ERBB4: variants seen among roughly 807,000 people sequenced by gnomAD.
ERBB4 encodes the protein receptor tyrosine-protein kinase erbB-4.
Under a neutral mutation model 158.0 loss-of-function variants are expected in ERBB4, and 42 were observed. That is an observed-to-expected ratio of 0.27 (90% CI 0.21 to 0.34). The LOEUF (loss-of-function observed/expected upper bound fraction) is 0.34, where lower values mean the gene tolerates loss of function less well. Among genes scored for constraint, ERBB4 ranks in the 10% least tolerant of loss-of-function variants. ERBB4 has a pLI of 1.00. For missense variants in ERBB4, 1,333 were observed against 1,624.1 expected (o/e 0.82, Z 3.08); for synonymous variants, 583 against 558.7 (o/e 1.04, Z -0.61).
At chr2:211,554,067 C>T (rs2067173667) in intron 20 of ERBB4, among the ~76,000 whole-genome samples, 1 of 152,182 alleles carries the variant, frequency 6.6e-6, no homozygotes, top group Admixed American at 6.5e-5. Flanking sequence ...TGAGACACAA[C>T]TACAGATAAA....
At chr2:212,374,220 A>T (rs554235286) in intron 1 of ERBB4, among the ~76,000 whole-genome samples, 78 of 151,250 alleles carry the variant, frequency 5.2e-4, no homozygotes, top group Non-Finnish European at 9.4e-4. Context: ...TTAAAATACC[A>T]ATAATAATGC....
chr2:211,802,471 A>C (rs1198351441), intron 3 of ERBB4, among the ~76,000 whole-genome samples: 1 of 152,226 alleles, frequency 6.6e-6, no homozygotes, highest in African/African-American at 2.4e-5. Flanking sequence ...TTTGAAGTTC[A>C]GAACAATTAG....
Position 212,416,266 on chromosome 2 carries a change from A to C in ERBB4, c.82+122183T>G, listed in dbSNP as rs548863482. Among the ~76,000 whole-genome samples the C allele has an allele frequency of 2.0e-5, 3 of 152,274 alleles. No individual in the cohort carries two copies. The South Asian group carries it at 6.2e-4, about 32-fold the overall frequency. Reference sequence around the variant, plus strand: ...ACAAGCTGTTGAAAACATGGCAGCAAGGGCAAAAAGTAGAGGAATTAAGAT... The same window carrying C: ...ACAAGCTGTTGAAAACATGGCAGCACGGGCAAAAAGTAGAGGAATTAAGAT... On this transcript the variant is annotated intron_variant, in intron 1 of 27. Transcript: ENST00000342788.
At chr2:211,853,308 T>C (rs2077764611) in intron 3 of ERBB4, among the ~76,000 whole-genome samples, 1 of 152,060 alleles carries the variant, frequency 6.6e-6, no homozygotes, top group Admixed American at 6.6e-5. Flanking sequence ...CAGTCTATGT[T>C]GCCTTTCTTT....
At chr2:211,858,163 A>G (rs1429847288) in intron 3 of ERBB4, among the ~76,000 whole-genome samples, 10 of 152,152 alleles carry the variant, frequency 6.6e-5, no homozygotes, top group African/African-American at 2.4e-4. Context: ...AGAGGTGAAG[A>G]AAGAGATGGA....
rs753093003 is a variant in ERBB4 at position 211,702,174 on chromosome 2, G to A, written c.1290-8C>T. 2.3e-5 allele frequency: 37 copies of A among 1,612,238 alleles called. No homozygotes were observed. The highest frequency in any genetic ancestry group is 3.1e-5 in the Non-Finnish European group (37 of 1,178,388). On this transcript the variant is annotated splice_polypyrimidine_tract_variant and splice_region_variant and intron_variant, in intron 11 of 27. Transcript: ENST00000342788. ...ATAAGCAAGGACAGGCCACTAAGGA[G>A]GGGGAAGTGAGAAAACGGAACCATG...
chr2:211,765,701 G>C (rs935382221), intron 4 of ERBB4, among the ~76,000 whole-genome samples: 3 of 151,910 alleles, frequency 2.0e-5, no homozygotes, highest in African/African-American at 7.3e-5. Context: ...AAAAATAGTT[G>C]GTATTTAAAA....
chr2:212,375,524 G>A (rs192829396), intron 1 of ERBB4, among the ~76,000 whole-genome samples: 49 of 152,200 alleles, frequency 3.2e-4, no homozygotes, highest in Middle Eastern at 6.8e-3. Flanking sequence ...GCAAGTTGCT[G>A]GGCAACTACA....
At chr2:212,254,764 C>T (rs980471076) in intron 1 of ERBB4, among the ~76,000 whole-genome samples, 5 of 152,062 alleles carry the variant, frequency 3.3e-5, no homozygotes, top group African/African-American at 1.2e-4. Flanking sequence ...AGTGTTTATG[C>T]ATTAAAAGAG....
At chr2:212,133,595 T>G (rs1485984621) in intron 1 of ERBB4, among the ~76,000 whole-genome samples, 5 of 151,028 alleles carry the variant, frequency 3.3e-5, no homozygotes, top group Non-Finnish European at 5.9e-5. Flanking sequence ...AGCTGTTCAG[T>G]AAACATTTGT....
intron 3 of ERBB4, among the ~76,000 whole-genome samples, chr2:211,825,391 G>A (rs1473302499): frequency 6.6e-6 from 1 of 151,630 alleles, no homozygotes; most frequent in Non-Finnish European, 1.5e-5. Flanking sequence ...AGCAAAAGAT[G>A]GCATTGTATA....
intron 2 of ERBB4, among the ~76,000 whole-genome samples, chr2:211,969,169 C>T (rs892468306): frequency 6.6e-6 from 1 of 151,708 alleles, no homozygotes; most frequent in South Asian, 2.1e-4. Flanking sequence ...AAGCATACCC[C>T]CTTTAGGAAA....
At chr2:212,172,860 G>A (rs912356094) in intron 1 of ERBB4, among the ~76,000 whole-genome samples, 1 of 152,040 alleles carries the variant, frequency 6.6e-6, no homozygotes, top group Non-Finnish European at 1.5e-5. Context: ...GTGATGCGAT[G>A]ATTTGTGCAG....
intron 4 of ERBB4, among the ~76,000 whole-genome samples, chr2:211,759,546 C>T (rs1007272729): frequency 7.2e-5 from 11 of 152,052 alleles, no homozygotes; most frequent in African/African-American, 2.7e-4. Flanking sequence ...AGGTTCACTC[C>T]CACTTAGGGT....
rs1198441152 is a variant in ERBB4, at chr2:212,188,263, C to G, written c.83-63360G>C. The stretch of plus-strand genomic sequence containing the variant: ...CCCCCTCTCACCCCCTCCCTCCCTC[C>G]CTCTTCTCTCCCTCCCTCTTCTCTC... On this transcript the variant is annotated intron_variant, in intron 1 of 27. Transcript: ENST00000342788. Among the ~76,000 whole-genome samples, 2 of 23,290 alleles carry G rather than the reference C, an allele frequency of 8.6e-5. 1 individual carries two copies. The highest frequency in any genetic ancestry group is 1.4e-4 in the African/African-American group (2 of 14,442). The allele number at this position is 23,290 out of a possible 152,430, so 15.3% of individuals were successfully genotyped here.
At chr2:212,389,486 G>C (rs2090785236) in intron 1 of ERBB4, among the ~76,000 whole-genome samples, 1 of 151,948 alleles carries the variant, frequency 6.6e-6, no homozygotes, top group African/African-American at 2.4e-5. Context: ...GTTACCATAA[G>C]AAAGCCTGAA....
intron 1 of ERBB4, among the ~76,000 whole-genome samples, chr2:212,413,888 C>G (rs1414545578): frequency 6.6e-6 from 1 of 151,984 alleles, no homozygotes; most frequent in Non-Finnish European, 1.5e-5. Flanking sequence ...AATGATAAAA[C>G]AAGAGTACAG....
chr2:211,599,170 A>C (rs542759390), intron 19 of ERBB4, among the ~76,000 whole-genome samples: 65 of 150,602 alleles, frequency 4.3e-4, no homozygotes, highest in African/African-American at 1.6e-3. Flanking sequence ...TAATATTAGC[A>C]TAATAACACT....
intron 3 of ERBB4, among the ~76,000 whole-genome samples, chr2:211,843,450 G>C (rs1001274704): frequency 4.0e-5 from 6 of 151,522 alleles, no homozygotes; most frequent in Non-Finnish European, 8.8e-5. Context: ...ATCAAACCAG[G>C]ATAGTTTTGC....
Sources: allele counts gnomAD v4.1 joint callset (sites outside exome capture counted in the v4.1 genomes callset), GRCh38; gene constraint gnomAD v4.1.1; transcripts MANE v1.5; gene names NCBI Gene and HGNC (gene_info 2026-07-23, HGNC 2026-07-21).